Variants in IKBKB observed in about 807,000 individuals in gnomAD.
IKBKB encodes the protein inhibitor of nuclear factor kappa-B kinase subunit beta.
In IKBKB, 42 loss-of-function variants were observed where a neutral mutation model predicts 113.6. The observed-to-expected ratio is 0.37, with a 90% CI of 0.29 to 0.48. The LOEUF (loss-of-function observed/expected upper bound fraction) is 0.48, where lower values mean the gene tolerates loss of function less well. IKBKB is among the 20% of genes least tolerant of loss of function. IKBKB has a pLI of 0.99. For missense variants in IKBKB, 673 were observed against 939.7 expected, an observed-to-expected ratio of 0.72 and a Z score of 3.71; for synonymous variants, 296 against 361.3, an observed-to-expected ratio of 0.82 and a Z score of 2.05.
chr8:42,308,607 C>G (rs930545203), intron 7 of IKBKB, among the ~76,000 whole-genome samples: 4 of 152,150 alleles, frequency 2.6e-5, no homozygotes, highest in African/African-American at 9.7e-5. Flanking sequence ...CTGCAACCCT[C>G]AGTTTTAAAG....
At chr8:42,306,995 G>A (rs1415733308) in intron 7 of IKBKB, among the ~76,000 whole-genome samples, 2 of 152,190 alleles carry the variant, frequency 1.3e-5, no homozygotes, top group African/African-American at 4.8e-5. Context: ...TGATGCAGTG[G>A]GGAAAAAAGA....
Position 42,331,554 on chromosome 8 carries a change from C to T in IKBKB, c.*575C>T, listed in dbSNP as rs199751650. ...GTTTAATTATAGTTGCGGCCTGGCC[C>T]CATCCTCACTTCCTCTTTTTATTTC... On this transcript the variant is annotated 3_prime_UTR_variant, in exon 22 of 22. Coordinates refer to ENST00000520810, the MANE Select transcript of IKBKB (RefSeq NM_001556.3). 1.5e-5 allele frequency: 9 copies of T among 605,440 alleles called. No homozygotes were observed. The highest frequency in any genetic ancestry group is 2.4e-5 in the Non-Finnish European group (8 of 339,246). The allele number at this position is 605,440 out of a possible 1,614,324, so 37.5% of individuals were successfully genotyped here.
Position 42,271,394 on chromosome 8 carries a change from C to G in IKBKB, c.-94C>G, listed in dbSNP as rs1807672101. On this transcript the variant is annotated 5_prime_UTR_variant, in exon 1 of 22. Coordinates refer to ENST00000520810, the MANE Select transcript of IKBKB (RefSeq NM_001556.3). ...TAATGTTTTCAGGGGGGTGTCATAG[C>G]CCCGGGTTTGGCCGCCCCAGCCCCG... 3 of 1,514,370 alleles carry G rather than the reference C, an allele frequency of 2.0e-6. No individual in the cohort carries two copies. Among genetic ancestry groups the G allele is most frequent in the African/African-American group, 2.8e-5 (2 of 72,216 alleles). The allele number at this position is 1,514,370 out of a possible 1,614,324, so 93.8% of individuals were successfully genotyped here. A position where few individuals can be genotyped will look rare whatever the true frequency, so the allele number is the denominator to read the frequency against.
At chr8:42,300,833 A>G (rs1815043374) in intron 5 of IKBKB, among the ~76,000 whole-genome samples, 1 of 152,144 alleles carries the variant, frequency 6.6e-6, no homozygotes, top group African/African-American at 2.4e-5. Flanking sequence ...TCCTGCATAC[A>G]CTGCACTGTG....
intron 2 of IKBKB, among the ~76,000 whole-genome samples, chr8:42,280,222 C>T (rs1776157396): frequency 6.6e-6 from 1 of 152,134 alleles, no homozygotes; most frequent in Admixed American, 6.5e-5. Flanking sequence ...TTGAGTGTTT[C>T]CCAGGGAGGG....
At chr8:42,321,691 TA>T (rs1045867160) in intron 16 of IKBKB, 5,972 of 466,070 alleles carry the variant, frequency 0.013, no homozygotes, top group South Asian at 0.018. Context: ...TCAGCTAATT[TA>T]AAAAAAAAAT....
intron 5 of IKBKB, 195 bp downstream of exon 5, chr8:42,293,707 A>G: frequency 1.3e-6 from 1 of 772,776 alleles, no homozygotes; most frequent in South Asian, 1.8e-5. Context: ...CTGAACTCAA[A>G]TAGGTTTCCC....
chr8:42,289,489 G>A (rs916886182), intron 3 of IKBKB, among the ~76,000 whole-genome samples: 3 of 152,128 alleles, frequency 2.0e-5, no homozygotes, highest in Non-Finnish European at 4.4e-5. Context: ...TCATGCTGTC[G>A]CTGACATTTA....
At chr8:42,328,348 G>C (rs189779804) in intron 20 of IKBKB, among the ~76,000 whole-genome samples, 4 of 151,378 alleles carry the variant, frequency 2.6e-5, no homozygotes, top group Non-Finnish European at 5.9e-5. Context: ...ATTCCCTTCT[G>C]GGGCAGGCAC....
At chr8:42,274,203 T>C (rs1313374201) in intron 2 of IKBKB, among the ~76,000 whole-genome samples, 3 of 152,070 alleles carry the variant, frequency 2.0e-5, no homozygotes, top group African/African-American at 7.2e-5. Flanking sequence ...CTAATTTTTG[T>C]ATTTTTAGTA....
chr8:42,314,793 A>G (rs7002979), intron 9 of IKBKB, among the ~76,000 whole-genome samples: 108,903 of 151,186 alleles, frequency 0.72, 43,586 homozygotes, highest in Non-Finnish European at 0.88. Flanking sequence ...AAAAAAAGAA[A>G]AAAGAAATTC....
Position 42,321,963 on chromosome 8 carries a change from T to C in IKBKB, c.1738+18T>C, listed in dbSNP as rs774152955. 2 of 1,613,082 alleles carry C rather than the reference T, an allele frequency of 1.2e-6. No homozygotes were observed. Among genetic ancestry groups the C allele is most frequent in the Non-Finnish European group, 1.7e-6 (2 of 1,179,154 alleles). On this transcript the variant is annotated intron_variant, in intron 17 of 21. Coordinates refer to ENST00000520810, the MANE Select transcript of IKBKB (RefSeq NM_001556.3). ...ACCTCGAGGTAAGTGGGGTTCTGTG[T>C]CTGCCTTGGGCTTCTCCTTATCTCA...
intron 8 of IKBKB, among the ~76,000 whole-genome samples, chr8:42,311,027 A>G (rs1817597357): frequency 6.6e-6 from 1 of 152,196 alleles, no homozygotes; most frequent in South Asian, 2.1e-4. Context: ...CTAGGATAAT[A>G]CCTAGAAAGG....
Position 42,322,169 on chromosome 8 carries a change from T to TTCCTGCTCTGGAGGAAGGACTG in IKBKB, c.1838+17_1838+38dup, listed in dbSNP as rs772372322. The TTCCTGCTCTGGAGGAAGGACTG allele has an allele frequency of 4.4e-6, 7 of 1,606,120 alleles. No homozygotes were observed. The African/African-American group carries it at 9.4e-5, about 21-fold the overall frequency. On this transcript the variant is annotated intron_variant, in intron 18 of 21. Transcript: ENST00000520810. ...CGCAGCTCAGGTATGAGCCCCGACC[T>TTCCTGCTCTGGAGGAAGGACTG]TCCTGCTCTGGAGGAAGGACTGGGA...
intron 5 of IKBKB, among the ~76,000 whole-genome samples, chr8:42,303,922 TG>T (rs1255685143): frequency 1.3e-5 from 2 of 152,286 alleles, no homozygotes; most frequent in African/African-American, 2.4e-5. Flanking sequence ...TCTTATCTTT[TG>T]GCTTTGTTTA....
rs867314928 is a variant in IKBKB at position 42,274,792 on chromosome 8, C to T, written c.105+2587C>T. ...AGGTGATCCCCGCCGGCGCGCCCCC[C>T]CCCCCCCCCGCCATCCCAGCCTCCC... On this transcript the variant is annotated intron_variant, in intron 2 of 21. Coordinates refer to ENST00000520810, the MANE Select transcript of IKBKB (RefSeq NM_001556.3). Among the ~76,000 whole-genome samples the T allele has an allele frequency of 5.0e-5, 4 of 79,352 alleles. 1 individual carries two copies. Among genetic ancestry groups the T allele is most frequent in the Non-Finnish European group, 1.4e-4 (3 of 21,638 alleles). 52.1% of individuals were successfully genotyped at this position (79,352 alleles called of 152,430 possible).
rs991258868 is a variant in IKBKB, at chr8:42,331,732, TC to T, written c.*756del. 1 of 369,788 alleles carries T rather than the reference TC, an allele frequency of 2.7e-6. No homozygotes were observed. The highest frequency in any genetic ancestry group is 4.5e-5 in the Admixed American group (1 of 22,386). The allele number at this position is 369,788 out of a possible 1,614,324, so 22.9% of individuals were successfully genotyped here. A position where few individuals can be genotyped will look rare whatever the true frequency, so the allele number is the denominator to read the frequency against. ...GGGAGAGCAGCTGCCTTATTCTGAA[TC>T]CCAAAAATTACTTGGGGGTGATTGT... On this transcript the variant is annotated 3_prime_UTR_variant, in exon 22 of 22. Transcript: ENST00000520810.
In IKBKB at chr8:42,271,746, C is replaced by T; in HGVS notation, c.-19+277C>T. On this transcript the variant is annotated intron_variant, in intron 1 of 21. Coordinates refer to ENST00000520810, the MANE Select transcript of IKBKB (RefSeq NM_001556.3). ...GCGATGCTCAGAAGTAGGTTCTGCC[C>T]CTGCCACCTCGGGCAGAAGGCGGGC... 3 of 505,614 alleles carry T rather than the reference C, an allele frequency of 5.9e-6. No homozygotes were observed. The East Asian group carries it at 1.1e-4, about 18-fold the overall frequency. 31.3% of individuals were successfully genotyped at this position (505,614 alleles called of 1,614,324 possible). A position where few individuals can be genotyped will look rare whatever the true frequency, so the allele number is the denominator to read the frequency against.
At chr8:42,306,878 T>C (rs1012825158) in intron 7 of IKBKB, among the ~76,000 whole-genome samples, 7 of 152,158 alleles carry the variant, frequency 4.6e-5, no homozygotes, top group Non-Finnish European at 1.0e-4. Context: ...CTCCCCACCC[T>C]TTGTTTACGT....
Sources: allele counts gnomAD v4.1 joint callset (sites outside exome capture counted in the v4.1 genomes callset), GRCh38; gene constraint gnomAD v4.1.1; transcripts MANE v1.5; gene names NCBI Gene and HGNC (gene_info 2026-07-23, HGNC 2026-07-21).